Variants in REDIC1 observed in about 807,000 individuals in gnomAD.
REDIC1 encodes regulator of DNA class I crossover intermediates 1.
chr12:39,626,591 C>T, the REDIC1 span, among the ~76,000 whole-genome samples: 7 of 152,200 alleles, frequency 4.6e-5, no homozygotes, highest in African/African-American at 1.7e-4. Context: ...CTGTGGGGGC[C>T]ACTGTGAGTA....
the REDIC1 span, among the ~76,000 whole-genome samples, chr12:39,686,388 A>G: frequency 6.6e-6 from 1 of 152,116 alleles, no homozygotes; most frequent in African/African-American, 2.4e-5. Context: ...TTAACACCAC[A>G]TGGAAGCCAT....
At chr12:39,740,331 T>C in the REDIC1 span, among the ~76,000 whole-genome samples, 1 of 152,056 alleles carries the variant, frequency 6.6e-6, no homozygotes, top group South Asian at 2.1e-4. Context: ...GGCATATGTA[T>C]TTTTTCAGAA....
At chr12:39,795,220 T>G in the REDIC1 span, among the ~76,000 whole-genome samples, 1 of 152,130 alleles carries the variant, frequency 6.6e-6, no homozygotes, top group Non-Finnish European at 1.5e-5. Context: ...GTGTGTCACA[T>G]CTTTTTTTTA....
the REDIC1 span, among the ~76,000 whole-genome samples, chr12:39,743,093 G>C: frequency 6.6e-6 from 1 of 152,152 alleles, no homozygotes; most frequent in Non-Finnish European, 1.5e-5. Context: ...TGGTAGCGGG[G>C]AAGAGACAAT....
At chr12:39,701,515 C>T in the REDIC1 span, among the ~76,000 whole-genome samples, 7 of 152,082 alleles carry the variant, frequency 4.6e-5, no homozygotes, top group South Asian at 2.1e-4. Flanking sequence ...CCACTGTCAA[C>T]ATTAGACAGA....
chr12:39,720,674 T>C, the REDIC1 span: 2 of 857,398 alleles, frequency 2.3e-6, no homozygotes, highest in South Asian at 3.3e-5. Context: ...AACTCTCTTC[T>C]GTATTTAGAA....
the REDIC1 span, among the ~76,000 whole-genome samples, chr12:39,873,598 G>A: frequency 6.6e-6 from 1 of 152,144 alleles, no homozygotes. Context: ...TTAAGAATAA[G>A]AATAGTTATA....
the REDIC1 span, among the ~76,000 whole-genome samples, chr12:39,784,576 A>G: frequency 1.3e-5 from 2 of 152,244 alleles, no homozygotes; most frequent in Non-Finnish European, 2.9e-5. Context: ...ACATTAATTC[A>G]AAATGGATTA....
the REDIC1 span, among the ~76,000 whole-genome samples, chr12:39,676,502 A>G: frequency 5.3e-5 from 8 of 152,206 alleles, no homozygotes; most frequent in African/African-American, 1.9e-4. Context: ...CTGAGTAAGA[A>G]GAGAAATCTA....
At chr12:39,833,410 C>G in the REDIC1 span, among the ~76,000 whole-genome samples, 2 of 152,088 alleles carry the variant, frequency 1.3e-5, no homozygotes, top group Non-Finnish European at 2.9e-5. Context: ...AAGAGACCTT[C>G]AACATTCATT....
chr12:39,666,852 GT>G, the REDIC1 span, among the ~76,000 whole-genome samples: 3 of 152,098 alleles, frequency 2.0e-5, no homozygotes, highest in Admixed American at 6.5e-5. Context: ...GTTTATTTGC[GT>G]AGAGGTGTTT....
chr12:39,675,978 G>A, the REDIC1 span, among the ~76,000 whole-genome samples: 1 of 152,142 alleles, frequency 6.6e-6, no homozygotes, highest in Non-Finnish European at 1.5e-5. Context: ...CCTTTCCACT[G>A]AGACAGTCCA....
the REDIC1 span, among the ~76,000 whole-genome samples, chr12:39,798,715 T>C: frequency 6.6e-6 from 1 of 152,192 alleles, no homozygotes; most frequent in Non-Finnish European, 1.5e-5. Flanking sequence ...CAGTCTTTCT[T>C]AACCTTCTGG....
the REDIC1 span, among the ~76,000 whole-genome samples, chr12:39,725,594 A>T: frequency 6.6e-6 from 1 of 152,054 alleles, no homozygotes; most frequent in Admixed American, 6.6e-5. Flanking sequence ...CTCAAGAGGT[A>T]CCACGTGTTC....
the REDIC1 span, among the ~76,000 whole-genome samples, chr12:39,715,895 T>C: frequency 6.6e-6 from 1 of 151,918 alleles, no homozygotes; most frequent in African/African-American, 2.4e-5. Context: ...CCCTTCACTT[T>C]TGTGCACTCT....
chr12:39,868,423 T>G, the REDIC1 span, among the ~76,000 whole-genome samples: 2 of 152,218 alleles, frequency 1.3e-5, no homozygotes, highest in Non-Finnish European at 1.5e-5. Flanking sequence ...TCCCTTCCCA[T>G]GACTCTACCA....
At chr12:39,861,874 T>A in the REDIC1 span, among the ~76,000 whole-genome samples, 172 of 152,114 alleles carry the variant, frequency 1.1e-3, no homozygotes, top group African/African-American at 3.9e-3. Context: ...TGTTTTTTTT[T>A]AAATTTAATT....
the REDIC1 span, among the ~76,000 whole-genome samples, chr12:39,663,805 T>A: frequency 6.6e-6 from 1 of 152,076 alleles, no homozygotes; most frequent in Non-Finnish European, 1.5e-5. Context: ...CACTTTGAGG[T>A]GAAAAAGTCA....
At chr12:39,787,234 G>C in the REDIC1 span, among the ~76,000 whole-genome samples, 5 of 152,122 alleles carry the variant, frequency 3.3e-5, no homozygotes, top group Admixed American at 3.3e-4. Flanking sequence ...CCTTCCACCA[G>C]TGGCCTCCAT....
Sources: gnomAD v4.1 joint callset for allele counts (sites outside exome capture counted in the v4.1 genomes callset) on GRCh38, gnomAD v4.1.1 for gene constraint, MANE v1.5 for transcripts, NCBI Gene and HGNC (gene_info 2026-07-23, HGNC 2026-07-21) for gene names.